DCHS2: variants seen among roughly 807,000 people sequenced by gnomAD.
The protein encoded by DCHS2 is protocadherin-23.
DCHS2 carries 142 observed loss-of-function variants against 182.4 expected under a neutral mutation model. The ratio of observed to expected loss-of-function variants is 0.78; its 90% confidence interval spans 0.68 to 0.89. DCHS2 has a LOEUF of 0.89. DCHS2 is among the 40% of genes least tolerant of loss of function. The pLI is 0.00. For synonymous variants in DCHS2, 1,740 were observed against 1,663.3 expected, an observed-to-expected ratio of 1.05 and a Z score of -1.12; for missense variants, 4,319 against 4,198.6, an observed-to-expected ratio of 1.03 and a Z score of -0.79.
At chr4:154,285,896 G>T (rs1734372972) in intron 13 of DCHS2, among the ~76,000 whole-genome samples, 1 of 152,110 alleles carries the variant, frequency 6.6e-6, no homozygotes, top group South Asian at 2.1e-4. Context: ...CAAGGCAGTG[G>T]TTACTATAGG....
chr4:154,412,540 A>G (rs1732674423), intron 1 of DCHS2, among the ~76,000 whole-genome samples: 1 of 152,166 alleles, frequency 6.6e-6, no homozygotes. Flanking sequence ...CATCCATAAT[A>G]TACGCAAAAC....
In DCHS2 at chr4:154,335,044, A is replaced by G. The variant is rs372065977; in HGVS notation, c.2537T>C (p.Val846Ala). Residue 846 changes from valine to alanine, a missense_variant, in exon 4 of 20, where the codon GTC becomes GCC. Physicochemically the swap from Val to Ala is moderately conservative, Grantham distance 64. Transcript: ENST00000357232. The part of the protein sequence containing the change: ...HLESTTLSLM[V>A]SAQDGGGLTA... Reference sequence around the variant, plus strand: ...GAGCCCACCACCGTCTTGAGCAGAGACCATCAACGAAAGTGTGGTAGATTC... The same window carrying G: ...GAGCCCACCACCGTCTTGAGCAGAGGCCATCAACGAAAGTGTGGTAGATTC... 1.2e-6 allele frequency: 2 copies of G among 1,613,904 alleles called. No homozygotes were observed. The highest frequency in any genetic ancestry group is 2.7e-5 in the African/African-American group (2 of 74,930).
intron 1 of DCHS2, among the ~76,000 whole-genome samples, chr4:154,447,328 A>C (rs1434544111): frequency 6.6e-6 from 1 of 151,970 alleles, no homozygotes; most frequent in Admixed American, 6.6e-5. Flanking sequence ...AAACTAGGGA[A>C]ATCTAAATAA....
chr4:154,335,647 A>G (rs1728764087), intron 3 of DCHS2, among the ~76,000 whole-genome samples: 1 of 152,130 alleles, frequency 6.6e-6, no homozygotes, highest in Middle Eastern at 3.2e-3. Context: ...ACATGAGCCA[A>G]TTCCTTGTGA....
chr4:154,388,587 T>C (rs1223070136), intron 1 of DCHS2, among the ~76,000 whole-genome samples: 2 of 151,372 alleles, frequency 1.3e-5, no homozygotes, highest in African/African-American at 4.9e-5. Flanking sequence ...CTCTGCCTTC[T>C]GGGTTCAAGT....
At chr4:154,317,929 A>G (rs909579212) in intron 9 of DCHS2, among the ~76,000 whole-genome samples, 4 of 152,204 alleles carry the variant, frequency 2.6e-5, no homozygotes, top group African/African-American at 9.6e-5. Context: ...CATTAAAAAT[A>G]TATATTATTT....
intron 13 of DCHS2, among the ~76,000 whole-genome samples, chr4:154,293,330 G>A (rs1349455235): frequency 1.3e-5 from 2 of 152,064 alleles, no homozygotes; most frequent in Admixed American, 6.5e-5. Flanking sequence ...ACAGGCAAGC[G>A]TCAGCATGCC....
chr4:154,292,286 C>T (rs193126217), intron 13 of DCHS2, among the ~76,000 whole-genome samples: 48 of 152,276 alleles, frequency 3.2e-4, no homozygotes, highest in Middle Eastern at 3.4e-3. Context: ...TCCTTTCTTT[C>T]CCTTCATAGG....
intron 1 of DCHS2, among the ~76,000 whole-genome samples, chr4:154,388,306 G>A (rs190510587): frequency 6.6e-6 from 1 of 151,876 alleles, no homozygotes; most frequent in Non-Finnish European, 1.5e-5. Flanking sequence ...CCAAAATATT[G>A]AGGTGAGTAA....
intron 16 of DCHS2, among the ~76,000 whole-genome samples, chr4:154,249,357 A>G (rs969121136): frequency 6.6e-6 from 1 of 152,216 alleles, no homozygotes; most frequent in African/African-American, 2.4e-5. Context: ...TAATCATCAG[A>G]GAAATACAAA....
chr4:154,283,717 T>C (rs887707402), intron 13 of DCHS2, among the ~76,000 whole-genome samples: 2 of 152,204 alleles, frequency 1.3e-5, no homozygotes, highest in Non-Finnish European at 2.9e-5. Context: ...GAAGACTGTA[T>C]TTAAGACATG....
chr4:154,328,526 G>C (rs1736387244), intron 6 of DCHS2, among the ~76,000 whole-genome samples: 1 of 152,040 alleles, frequency 6.6e-6, no homozygotes, highest in Admixed American at 6.5e-5. Flanking sequence ...TCATCTCTTA[G>C]GACATTTTTT....
chr4:154,489,521 C>T lies in DCHS2; in HGVS notation c.1835G>A (p.Ser612Asn). The change falls in exon 1 of 20, where the codon AGC becomes AAC. Residue 612 changes from serine to asparagine, a missense_variant. Ser to Asn is a conservative substitution (Grantham distance 46). Coordinates refer to ENST00000357232, the MANE Select transcript of DCHS2 (RefSeq NM_001358235.2). ...CGPSFAIDSE[S>N]GAISTIRTLD... is the part of the protein sequence containing the mutation. The stretch of plus-strand genomic sequence containing the variant: ...AGTCCGGATAGTGCTGATCGCACCG[C>T]TTTCGGAATCAATGGCAAAAGATGG... 6.4e-7 allele frequency: 1 copy of T among 1,551,676 alleles called. No individual in the cohort carries two copies. The highest frequency in any genetic ancestry group is 1.2e-5 in the South Asian group (1 of 84,050).
At chr4:154,237,919 A>C (rs1038211218) in intron 19 of DCHS2, among the ~76,000 whole-genome samples, 3 of 152,212 alleles carry the variant, frequency 2.0e-5, no homozygotes, top group Admixed American at 2.0e-4. Flanking sequence ...TTAATGTTTT[A>C]AACATTGCAT....
chr4:154,487,261 G>A (rs1728620798), intron 1 of DCHS2, among the ~76,000 whole-genome samples: 1 of 152,140 alleles, frequency 6.6e-6, no homozygotes, highest in Admixed American at 6.5e-5. Context: ...GTGGGCACTG[G>A]CATACCCGGG....
chr4:154,305,115 C>T lies in DCHS2; in HGVS notation c.5377G>A (p.Glu1793Lys). 1 of 1,610,410 alleles carries T rather than the reference C, an allele frequency of 6.2e-7. No individual in the cohort carries two copies. The highest frequency in any genetic ancestry group is 8.5e-7 in the Non-Finnish European group (1 of 1,178,992). The change falls in exon 11 of 20, where the codon GAA becomes AAA. Residue 1793 changes from glutamate to lysine, a missense_variant. Coordinates refer to ENST00000357232, the MANE Select transcript of DCHS2 (RefSeq NM_001358235.2). ...TTTILDREIQ[E>K]VFTLRVLVRD... ...CCCTTACCTCGAAGGGTGAAGACTT[C>T]TTGAATTTCTCTGTCAAGTATGGTG...
chr4:154,358,910 G>T (rs192757338), intron 3 of DCHS2, among the ~76,000 whole-genome samples: 1 of 151,182 alleles, frequency 6.6e-6, no homozygotes, highest in East Asian at 1.9e-4. Context: ...ATATAAATAT[G>T]CATATATGTA....
chr4:154,237,235 C>A lies in DCHS2; in HGVS notation c.7493-76G>T, dbSNP rs866472459. The A allele has an allele frequency of 1.5e-5, 22 of 1,481,568 alleles. No individual in the cohort carries two copies. The Middle Eastern group carries it at 2.3e-3, about 157-fold the overall frequency. 91.8% of individuals were successfully genotyped at this position (1,481,568 alleles called of 1,614,324 possible). ...TCCATTTAATCGGCAGTTGACTATCCAATGTCTACTAATATGTGTTTAATT... is the reference window on the plus strand; with the variant it reads ...TCCATTTAATCGGCAGTTGACTATCAAATGTCTACTAATATGTGTTTAATT... On this transcript the variant is annotated intron_variant, in intron 19 of 19. Transcript: ENST00000357232.
chr4:154,255,872 A>G (rs1164305283), intron 15 of DCHS2, among the ~76,000 whole-genome samples: 1 of 152,240 alleles, frequency 6.6e-6, no homozygotes, highest in Non-Finnish European at 1.5e-5. Context: ...TCTTCATCCA[A>G]AGAATTTTCA....
Sources: gnomAD v4.1 joint callset for allele counts (sites outside exome capture counted in the v4.1 genomes callset) on GRCh38, gnomAD v4.1.1 for gene constraint, MANE v1.5 for transcripts, NCBI Gene and HGNC (gene_info 2026-07-23, HGNC 2026-07-21) for gene names.